PDE12: variants seen among roughly 807,000 people sequenced by gnomAD.
PDE12 encodes the protein 2',5'-phosphodiesterase 12.
A neutral mutation model predicts 45.4 loss-of-function variants in PDE12; 26 were observed. The observed-to-expected ratio is 0.57, with a 90% CI of 0.42 to 0.79. The LOEUF (loss-of-function observed/expected upper bound fraction) is 0.79. Among genes scored for constraint, PDE12 ranks in the 30% least tolerant of loss-of-function variants. The pLI is 0.00. For missense variants in PDE12, 668 were observed against 790.0 expected (o/e 0.85, Z 1.85); for synonymous variants, 283 against 323.9 (o/e 0.87, Z 1.36).
At chr3:57,588,809 T>C in the PDE12 span, among the ~76,000 whole-genome samples, 1 of 143,834 alleles carries the variant, frequency 7.0e-6, no homozygotes. Flanking sequence ...ATACAAAAAT[T>C]AGCCAGGTGT....
chr3:57,618,607 GTTTTT>G, the PDE12 span, among the ~76,000 whole-genome samples: 173 of 79,406 alleles, frequency 2.2e-3, 2 homozygotes, highest in Admixed American at 6.6e-3. Context: ...TTGCTTTTGT[GTTTTT>G]TTTTTTTTTT....
At chr3:57,621,914 G>A in the PDE12 span, among the ~76,000 whole-genome samples, 1 of 152,150 alleles carries the variant, frequency 6.6e-6, no homozygotes, top group Non-Finnish European at 1.5e-5. Context: ...AGTGGCTCAC[G>A]CCTGTAATCC....
the PDE12 span, among the ~76,000 whole-genome samples, chr3:57,596,293 G>C: frequency 6.3e-4 from 96 of 152,206 alleles, no homozygotes; most frequent in African/African-American, 2.2e-3. Context: ...AAATTTATCA[G>C]GTATTTTTTA....
the PDE12 span, chr3:57,597,040 C>T: frequency 1.1e-4 from 171 of 1,609,546 alleles, no homozygotes; most frequent in Non-Finnish European, 1.4e-4. Context: ...CCTGCCTTTC[C>T]CAGGTCCCGC....
chr3:57,556,556 C>G lies in PDE12; in HGVS notation c.177C>G (p.Ser59Arg). ...LSLSFALADG[S>R]HKNMQRDQSE... ...TGTCATTCGCTTTGGCTGATGGTAG[C>G]CACAAGAACATGCAGCGCGACCAGA... The change falls in exon 1 of 3, where the codon AGC becomes AGG. Residue 59 changes from serine (S) to arginine (R), a missense_variant. Ser to Arg is a moderately radical substitution (Grantham distance 110). Transcript: ENST00000311180. This position sits in a 1 kb window ranked among gnomAD's most constrained non-coding sequence, Gnocchi z 5.0. 6.2e-7 allele frequency: 1 copy of G among 1,613,562 alleles called. No individual in the cohort carries two copies. The highest frequency in any genetic ancestry group is 8.5e-7 in the Non-Finnish European group (1 of 1,180,002).
the PDE12 span, among the ~76,000 whole-genome samples, chr3:57,601,618 C>T: frequency 2.0e-5 from 3 of 152,164 alleles, no homozygotes; most frequent in Non-Finnish European, 2.9e-5. Flanking sequence ...TTTGGTATCA[C>T]GGGGATCCTG....
At chr3:57,591,154 GT>G in the PDE12 span, among the ~76,000 whole-genome samples, 2 of 152,134 alleles carry the variant, frequency 1.3e-5, no homozygotes, top group African/African-American at 2.4e-5. Flanking sequence ...AAATGGAAAT[GT>G]TTGTCAGGTC....
At chr3:57,601,911 ATT>A in the PDE12 span, among the ~76,000 whole-genome samples, 7 of 138,494 alleles carry the variant, frequency 5.1e-5, no homozygotes. Context: ...CACCCGGCTA[ATT>A]TTTTTTTTTT....
the PDE12 span, among the ~76,000 whole-genome samples, chr3:57,650,972 T>C: frequency 1.3e-5 from 2 of 152,096 alleles, no homozygotes; most frequent in Admixed American, 6.6e-5. Flanking sequence ...TTAGTAGAGA[T>C]GGGGTTTCTC....
the PDE12 span, among the ~76,000 whole-genome samples, chr3:57,631,354 G>A: frequency 2.6e-5 from 4 of 152,034 alleles, no homozygotes; most frequent in Admixed American, 2.0e-4. Context: ...GCGCCACCAC[G>A]CCTGGCTAAT....
chr3:57,600,412 C>CTTCCT, the PDE12 span, among the ~76,000 whole-genome samples: 11 of 149,682 alleles, frequency 7.3e-5, no homozygotes, highest in Admixed American at 2.0e-4. Flanking sequence ...CTTCCCTCCC[C>CTTCCT]TTCCTTTCCT....
At chr3:57,635,504 C>G in the PDE12 span, among the ~76,000 whole-genome samples, 1 of 152,152 alleles carries the variant, frequency 6.6e-6, no homozygotes, top group South Asian at 2.1e-4. Context: ...TCTCCACCCT[C>G]CCTCTTCTCT....
At chr3:57,653,039 T>C in the PDE12 span, among the ~76,000 whole-genome samples, 1 of 152,208 alleles carries the variant, frequency 6.6e-6, no homozygotes, top group Non-Finnish European at 1.5e-5. Context: ...GGTTGCGTTG[T>C]ATACTTGTTT....
the PDE12 span, among the ~76,000 whole-genome samples, chr3:57,629,836 A>G: frequency 8.5e-5 from 13 of 152,192 alleles, no homozygotes; most frequent in East Asian, 1.7e-3. Flanking sequence ...CACATTTCTA[A>G]AAGTGTTAAT....
downstream of PDE12, among the ~76,000 whole-genome samples, chr3:57,569,471 G>C (rs1043382143): frequency 1.3e-5 from 2 of 152,014 alleles, no homozygotes; most frequent in Non-Finnish European, 2.9e-5. Flanking sequence ...TCCCACTTCA[G>C]CCTCTCGAGT....
chr3:57,609,147 G>C, the PDE12 span, among the ~76,000 whole-genome samples: 1 of 151,992 alleles, frequency 6.6e-6, no homozygotes, highest in Non-Finnish European at 1.5e-5. Context: ...TGGGTACATA[G>C]CAAAATGAAG....
Position 57,561,772 on chromosome 3 carries a change from A to G in PDE12, c.*1768A>G. 1.0e-6 allele frequency: 1 copy of G among 983,892 alleles called. No homozygotes were observed. The highest frequency in any genetic ancestry group is 1.2e-6 in the Non-Finnish European group (1 of 828,512). The allele number at this position is 983,892 out of a possible 1,614,324, so 60.9% of individuals were successfully genotyped here. ...AATTTCCTCTTTTGATAACATCTGT[A>G]CTTTCATATTCTGCTCACTATCAAA... On this transcript the variant is annotated 3_prime_UTR_variant, in exon 3 of 3. Coordinates refer to ENST00000311180, the MANE Select transcript of PDE12 (RefSeq NM_177966.7).
chr3:57,573,358 C>A, the PDE12 span, among the ~76,000 whole-genome samples: 7 of 151,884 alleles, frequency 4.6e-5, no homozygotes, highest in Admixed American at 3.9e-4. Flanking sequence ...GTGAAAGTAT[C>A]AAAAAAAACC....
At chr3:57,624,508 C>CT in the PDE12 span, among the ~76,000 whole-genome samples, 1 of 151,804 alleles carries the variant, frequency 6.6e-6, no homozygotes, top group Non-Finnish European at 1.5e-5. Flanking sequence ...TGGCTCATGC[C>CT]TGTAATCCCA....
Sources: gnomAD v4.1 joint callset for allele counts (sites outside exome capture counted in the v4.1 genomes callset) on GRCh38, gnomAD v4.1.1 for gene constraint, Gnocchi (gnomAD v3.1) non-coding constraint, MANE v1.5 for transcripts, NCBI Gene and HGNC (gene_info 2026-07-23, HGNC 2026-07-21) for gene names.